ARID1B: variants seen among roughly 807,000 people sequenced by gnomAD.
The protein encoded by ARID1B is AT-rich interaction domain 1B.
A neutral mutation model predicts 212.3 loss-of-function variants in ARID1B; 30 were observed. The observed-to-expected ratio is 0.14, with a 90% CI of 0.11 to 0.19. The LOEUF (loss-of-function observed/expected upper bound fraction) is 0.19, where lower values mean the gene tolerates loss of function less well. Ranked by LOEUF, ARID1B falls within the 10% of genes least tolerant of loss-of-function variation. ARID1B has a pLI of 1.00. For synonymous variants in ARID1B, 1,402 were observed against 1,301.7 expected, an observed-to-expected ratio of 1.08 and a Z score of -1.66; for missense variants, 2,891 against 3,204.0, an observed-to-expected ratio of 0.90 and a Z score of 2.36.
intron 4 of ARID1B, among the ~76,000 whole-genome samples, chr6:156,993,251 A>G (rs557028977): frequency 6.6e-6 from 1 of 152,310 alleles, no homozygotes; most frequent in African/African-American, 2.4e-5. Context: ...CATGTTGGCC[A>G]GGTTGGTCTT....
chr6:156,805,649 A>G (rs1406925622), intron 1 of ARID1B, among the ~76,000 whole-genome samples: 1 of 152,142 alleles, frequency 6.6e-6, no homozygotes, highest in Non-Finnish European at 1.5e-5. Context: ...ACGGAAGAAA[A>G]AATAGGAAAA....
At chr6:157,178,871 A>G (rs1043899004) in intron 11 of ARID1B, among the ~76,000 whole-genome samples, 1 of 152,226 alleles carries the variant, frequency 6.6e-6, no homozygotes, top group Non-Finnish European at 1.5e-5. Context: ...TCATGATTCT[A>G]TTCATCCAGA....
At chr6:156,990,769 G>A (rs149002108) in intron 4 of ARID1B, among the ~76,000 whole-genome samples, 87 of 152,278 alleles carry the variant, frequency 5.7e-4, no homozygotes, top group African/African-American at 2.1e-3. Flanking sequence ...TAAGATTACA[G>A]GTGTGAGCAG....
intron 4 of ARID1B, among the ~76,000 whole-genome samples, chr6:156,990,513 C>A (rs58481300): frequency 6.6e-6 from 1 of 151,966 alleles, no homozygotes. Flanking sequence ...TGGTATCATG[C>A]GCCTGTAATC....
chr6:156,891,566 A>G (rs1787924510), intron 2 of ARID1B, among the ~76,000 whole-genome samples: 1 of 152,230 alleles, frequency 6.6e-6, no homozygotes, highest in Non-Finnish European at 1.5e-5. Context: ...AGATTCTCAC[A>G]TTCAAAAATA....
intron 2 of ARID1B, among the ~76,000 whole-genome samples, chr6:156,895,817 T>C (rs1037831525): frequency 2.0e-5 from 3 of 152,184 alleles, no homozygotes; most frequent in Non-Finnish European, 4.4e-5. Context: ...CTTCACATCT[T>C]TCTTTTTATA....
rs937767367 is a variant in ARID1B at position 157,208,571 on chromosome 6, G to A, written c.*680G>A. The A allele has an allele frequency of 4.3e-5, 10 of 232,740 alleles. No homozygotes were observed. The highest frequency in any genetic ancestry group is 2.0e-4 in the African/African-American group (9 of 45,252). 14.4% of individuals were successfully genotyped at this position (232,740 alleles called of 1,614,324 possible). ...CCGGAAACTGCTCCTCACCACTCCC[G>A]TCATGCCTGCTGTCGGCGTTTGACC... On this transcript the variant is annotated 3_prime_UTR_variant, in exon 20 of 20. Transcript: ENST00000636930.
At chr6:156,835,230 ACT>A (rs1267007201) in intron 2 of ARID1B, among the ~76,000 whole-genome samples, 3 of 129,058 alleles carry the variant, frequency 2.3e-5, no homozygotes. Flanking sequence ...ACAGAGGGAG[ACT>A]CTGTCACAAA....
At chr6:156,968,997 G>A (rs551273578) in intron 4 of ARID1B, among the ~76,000 whole-genome samples, 31 of 152,200 alleles carry the variant, frequency 2.0e-4, no homozygotes, top group Non-Finnish European at 1.3e-4. Context: ...CTCCACATGC[G>A]CACAGTTGCA....
At chr6:156,791,848 G>A (rs949691391) in intron 1 of ARID1B, among the ~76,000 whole-genome samples, 5 of 152,094 alleles carry the variant, frequency 3.3e-5, no homozygotes, top group African/African-American at 9.7e-5. Flanking sequence ...TTTTAAAAAA[G>A]GACATTGTTA....
intron 4 of ARID1B, among the ~76,000 whole-genome samples, chr6:157,052,368 C>T (rs1390524109): frequency 6.6e-6 from 1 of 152,208 alleles, no homozygotes; most frequent in Non-Finnish European, 1.5e-5. Flanking sequence ...GCCTGTTGGA[C>T]TGGATGTCAA....
chr6:156,867,366 C>A (rs1785777141), intron 2 of ARID1B, among the ~76,000 whole-genome samples: 1 of 152,142 alleles, frequency 6.6e-6, no homozygotes, highest in Admixed American at 6.5e-5. Flanking sequence ...TAGGAAGAGC[C>A]AGGCTGAGTG....
chr6:156,810,483 T>A (rs1781483233), intron 1 of ARID1B, among the ~76,000 whole-genome samples: 1 of 152,002 alleles, frequency 6.6e-6, no homozygotes, highest in African/African-American at 2.4e-5. Flanking sequence ...GCGAGAGGGG[T>A]GTTCTCCTTT....
In ARID1B at chr6:156,778,837, G is replaced by C; in HGVS notation, c.1157G>C (p.Arg386Pro). The change falls in exon 1 of 20, where the codon CGG (arginine) becomes CCG (proline). Residue 386 changes from arginine to proline, a missense_variant. By Grantham distance (103) the Arg-to-Pro change is moderately radical. Around this residue, in one of 7 missense-constraint regions of ARID1B, gnomAD observed 1,643 missense variants for 1,544.0 expected, o/e 1.06. Transcript: ENST00000636930. Reference sequence around the variant, plus strand: ...TGCAACCATTATCCGGGCTACAGCCGGCCCGGCGCGGGCGGCGGCGGCGGC... The same window carrying C: ...TGCAACCATTATCCGGGCTACAGCCCGCCCGGCGCGGGCGGCGGCGGCGGC... ...SQCNHYPGYSRPGAGGGGGGG... is the reference protein window; with the variant it reads ...SQCNHYPGYSPPGAGGGGGGG... 1 of 1,419,530 alleles carries C rather than the reference G, an allele frequency of 7.0e-7. No individual in the cohort carries two copies. The allele number at this position is 1,419,530 out of a possible 1,614,324, so 87.9% of individuals were successfully genotyped here.
At chr6:156,780,703 A>G (rs1457732630) in intron 1 of ARID1B, among the ~76,000 whole-genome samples, 3 of 152,250 alleles carry the variant, frequency 2.0e-5, no homozygotes, top group Non-Finnish European at 4.4e-5. Flanking sequence ...TGAAACTATT[A>G]TGAATCATAG....
intron 2 of ARID1B, among the ~76,000 whole-genome samples, chr6:156,847,545 A>G (rs1420220232): frequency 6.6e-6 from 1 of 152,202 alleles, no homozygotes; most frequent in Admixed American, 6.5e-5. Context: ...GTAAGAGAGG[A>G]GAGTCCAGCT....
chr6:157,150,285 T>C (rs1790101222), intron 8 of ARID1B: 1 of 152,294 alleles, frequency 6.6e-6, no homozygotes, highest in African/African-American at 2.4e-5. Context: ...AAGCTACGCG[T>C]GCCCCCTCTC....
chr6:157,147,011 A>G (rs1375528228), intron 7 of ARID1B, among the ~76,000 whole-genome samples: 1 of 152,112 alleles, frequency 6.6e-6, no homozygotes, highest in Non-Finnish European at 1.5e-5. Flanking sequence ...TCTATATTTC[A>G]TGTGGTTATT....
chr6:157,080,872 G>T (rs61352153), intron 4 of ARID1B, among the ~76,000 whole-genome samples: 1,636 of 152,228 alleles, frequency 0.011, 28 homozygotes, highest in African/African-American at 0.032. Flanking sequence ...GTTTTTGAAG[G>T]CAGGGATTTT....
Sources: gnomAD v4.1 joint callset for allele counts (sites outside exome capture counted in the v4.1 genomes callset) on GRCh38, gnomAD v4.1.1 for gene constraint, gnomAD v4.1.1 regional missense constraint, MANE v1.5 for transcripts, NCBI Gene and HGNC (gene_info 2026-07-23, HGNC 2026-07-21) for gene names.